NDUFA8: variants seen among roughly 807,000 people sequenced by gnomAD.
NDUFA8 encodes NADH:ubiquinone oxidoreductase subunit A8, also known as NADH dehydrogenase [ubiquinone] 1 alpha subcomplex subunit 8.
In NDUFA8, 16 loss-of-function variants were observed where a neutral mutation model predicts 20.9. The observed-to-expected ratio is 0.77, with a 90% confidence interval of 0.52 to 1.16. The LOEUF (loss-of-function observed/expected upper bound fraction) is 1.16, where lower values mean the gene tolerates loss of function less well. NDUFA8 is among the 50% of genes most tolerant of loss of function. The probability of loss-of-function intolerance (pLI) is 0.00; values close to 1 mark genes in which losing one functional copy is unlikely to be tolerated. For synonymous variants in NDUFA8, 70 were observed against 76.1 expected (o/e 0.92, Z 0.41); for missense variants, 202 against 216.4 (o/e 0.93, Z 0.42).
At chr9:122,141,268 C>T (rs955496934), downstream of NDUFA8, among the ~76,000 whole-genome samples, 3 of 152,142 alleles carry the variant, frequency 2.0e-5, no homozygotes, top group East Asian at 3.9e-4. Context: ...AGCAGCCATT[C>T]GTGAGCCCCT....
intron 2 of NDUFA8, among the ~76,000 whole-genome samples, chr9:122,149,381 T>C (rs1449643938): frequency 6.6e-6 from 1 of 152,180 alleles, no homozygotes; most frequent in African/African-American, 2.4e-5. Context: ...AAGAATCACT[T>C]TGGTAGAAAG....
At chr9:122,134,913 A>T in the NDUFA8 span, among the ~76,000 whole-genome samples, 1 of 152,210 alleles carries the variant, frequency 6.6e-6, no homozygotes, top group Admixed American at 6.5e-5. Context: ...CTGCCTGCTG[A>T]CGTCACCAGC....
At chr9:122,157,011 T>C (rs563923481) in intron 1 of NDUFA8, among the ~76,000 whole-genome samples, 4 of 152,338 alleles carry the variant, frequency 2.6e-5, no homozygotes, top group African/African-American at 7.2e-5. Context: ...CAAACTCTCA[T>C]TCAGCCTTAA....
downstream of NDUFA8, among the ~76,000 whole-genome samples, chr9:122,141,912 G>A (rs548854592): frequency 1.3e-5 from 2 of 152,130 alleles, no homozygotes; most frequent in African/African-American, 2.4e-5. Context: ...AGGTGGGGAG[G>A]GGGGAGGCAA....
chr9:122,143,931 C>T (rs534324301), downstream of NDUFA8: 1,192 of 573,388 alleles, frequency 2.1e-3, 5 homozygotes, highest in Non-Finnish European at 2.4e-3. Flanking sequence ...TAACAGGGAT[C>T]CCCAGCCACA....
At chr9:122,146,296 A>AT (rs140728158) in intron 3 of NDUFA8, among the ~76,000 whole-genome samples, 245 of 150,980 alleles carry the variant, frequency 1.6e-3, no homozygotes, top group African/African-American at 4.4e-3. Flanking sequence ...AGTTAAGAGA[A>AT]TTTTTTTTTT....
the NDUFA8 span, among the ~76,000 whole-genome samples, chr9:122,138,268 G>T: frequency 6.6e-6 from 1 of 152,090 alleles, no homozygotes; most frequent in Non-Finnish European, 1.5e-5. Flanking sequence ...AGGAATACTG[G>T]CATGCAATTT....
chr9:122,147,379 A>T (rs1055657901), intron 3 of NDUFA8, among the ~76,000 whole-genome samples: 2 of 152,214 alleles, frequency 1.3e-5, no homozygotes, highest in Non-Finnish European at 2.9e-5. Flanking sequence ...GAAATATAGG[A>T]GAAAGAGAAA....
Position 122,159,753 on chromosome 9 carries a change from G to A in NDUFA8, c.-76C>T, listed in dbSNP as rs1003214182. 2.7e-5 allele frequency: 43 copies of A among 1,602,014 alleles called. No homozygotes were observed. Among genetic ancestry groups the A allele is most frequent in the Non-Finnish European group, 3.4e-5 (40 of 1,170,324 alleles). On this transcript the variant is annotated 5_prime_UTR_variant, in exon 1 of 4. Coordinates refer to ENST00000373768, the MANE Select transcript of NDUFA8 (RefSeq NM_014222.3). Reference sequence around the variant, plus strand: ...GTCTCCTTGAACTCCCCTTTCGACCGCCGAGTGCCACACGGCGCCTGCGCA... The same window carrying A: ...GTCTCCTTGAACTCCCCTTTCGACCACCGAGTGCCACACGGCGCCTGCGCA...
chr9:122,138,437 T>C, the NDUFA8 span, among the ~76,000 whole-genome samples: 6 of 152,194 alleles, frequency 3.9e-5, no homozygotes, highest in African/African-American at 1.4e-4. Context: ...TTTTCCTTTT[T>C]GAGAAAACAA....
chr9:122,138,865 T>TCGG, the NDUFA8 span, among the ~76,000 whole-genome samples: 3 of 89,386 alleles, frequency 3.4e-5, no homozygotes, highest in Non-Finnish European at 6.7e-5. Flanking sequence ...CAAGAAGAGG[T>TCGG]GGGGGGGGGG....
intron 2 of NDUFA8, among the ~76,000 whole-genome samples, chr9:122,150,825 A>G (rs1828983460): frequency 6.6e-6 from 1 of 152,008 alleles, no homozygotes; most frequent in African/African-American, 2.4e-5. Context: ...CAAAAAAATT[A>G]GCCAGGCATA....
intron 3 of NDUFA8, among the ~76,000 whole-genome samples, 172 bp from the exon 4 acceptor site, chr9:122,144,550 G>A (rs544817653): frequency 6.6e-6 from 1 of 152,252 alleles, no homozygotes; most frequent in South Asian, 2.1e-4. Context: ...CAAACACTCA[G>A]GAAAGCCTAC....
chr9:122,149,059 G>A (rs1828951350), intron 2 of NDUFA8, among the ~76,000 whole-genome samples: 1 of 152,148 alleles, frequency 6.6e-6, no homozygotes, highest in Admixed American at 6.5e-5. Context: ...ATCATTTTAT[G>A]TAAAAGCCAT....
the NDUFA8 span, among the ~76,000 whole-genome samples, chr9:122,134,732 TC>T: frequency 5.9e-5 from 9 of 152,128 alleles, no homozygotes; most frequent in African/African-American, 1.7e-4. Context: ...TCTGAACCCT[TC>T]CGATCTTTGG....
At chr9:122,149,329 C>T (rs1462842350) in intron 2 of NDUFA8, among the ~76,000 whole-genome samples, 1 of 152,190 alleles carries the variant, frequency 6.6e-6, no homozygotes, top group Non-Finnish European at 1.5e-5. Context: ...GTTTCCCTTC[C>T]GGGTATACTA....
the NDUFA8 span, among the ~76,000 whole-genome samples, chr9:122,133,567 A>C: frequency 7.2e-5 from 11 of 152,330 alleles, no homozygotes; most frequent in Admixed American, 7.2e-4. Context: ...AAACAGGGGA[A>C]TCAGTGGAGA....
At chr9:122,141,096 T>C (rs78498817), downstream of NDUFA8, among the ~76,000 whole-genome samples, 543 of 152,306 alleles carry the variant, frequency 3.6e-3, 4 homozygotes, top group African/African-American at 0.013. Flanking sequence ...GACTGTTTCC[T>C]GGCAAGGGGA....
chr9:122,158,727 T>C (rs933615781), intron 1 of NDUFA8, among the ~76,000 whole-genome samples: 7 of 150,144 alleles, frequency 4.7e-5, no homozygotes, highest in Non-Finnish European at 1.5e-5. Context: ...CATATATATA[T>C]ATACACCAAT....
Sources: allele counts gnomAD v4.1 joint callset (sites outside exome capture counted in the v4.1 genomes callset), GRCh38; gene constraint gnomAD v4.1.1; transcripts MANE v1.5; gene names NCBI Gene and HGNC (gene_info 2026-07-23, HGNC 2026-07-21).